SORBS2: variants seen among roughly 807,000 people sequenced by gnomAD.
SORBS2 encodes the protein sorbin and SH3 domain containing 2, also known as sorbin and SH3 domain-containing protein 2.
A neutral mutation model predicts 97.7 loss-of-function variants in SORBS2; 46 were observed. The ratio of observed to expected loss-of-function variants is 0.47; its 90% confidence interval spans 0.37 to 0.60. SORBS2 has a LOEUF of 0.60. Ranked by LOEUF, SORBS2 falls within the 20% of genes least tolerant of loss-of-function variation. The pLI, the probability that SORBS2 is intolerant of heterozygous loss-of-function variation, is 0.00. For synonymous variants in SORBS2, 476 were observed against 473.4 expected, an observed-to-expected ratio of 1.01 and a Z score of -0.07; for missense variants, 1,316 against 1,282.3, an observed-to-expected ratio of 1.03 and a Z score of -0.40.
chr4:185,925,748 C>T (rs183351704), intron 1 of SORBS2, among the ~76,000 whole-genome samples: 2 of 152,078 alleles, frequency 1.3e-5, no homozygotes, highest in Non-Finnish European at 2.9e-5. Context: ...TACCTCCTCT[C>T]AGAGTTACGA....
chr4:185,889,729 C>T (rs1293284139), intron 1 of SORBS2, among the ~76,000 whole-genome samples: 1 of 152,008 alleles, frequency 6.6e-6, no homozygotes, highest in Non-Finnish European at 1.5e-5. Flanking sequence ...ACGCCCTGAA[C>T]ATCTATATAA....
chr4:185,694,742 T>G (rs1265553895), intron 2 of SORBS2, among the ~76,000 whole-genome samples: 2 of 143,742 alleles, frequency 1.4e-5, no homozygotes, highest in African/African-American at 5.2e-5. Context: ...AGTCTCACTC[T>G]GCCGCCCAGG....
intron 4 of SORBS2, 103 bp from the exon 14 acceptor site, chr4:185,639,138 G>A (rs1561587076): frequency 1.8e-6 from 2 of 1,084,090 alleles, no homozygotes; most frequent in East Asian, 6.2e-5. Flanking sequence ...AGGCCGGGAG[G>A]GGAGAGGCCT....
intron 12 of SORBS2, among the ~76,000 whole-genome samples, chr4:185,605,740 A>C (rs527841924): frequency 1.2e-4 from 18 of 152,034 alleles, no homozygotes; most frequent in African/African-American, 4.1e-4. Context: ...ACCCACCACC[A>C]CGCCTGGCTA....
chr4:185,649,438 A>T, intron 3 of SORBS2, 29 bp downstream of exon 12: 1 of 1,524,658 alleles, frequency 6.6e-7, no homozygotes, highest in Non-Finnish European at 8.8e-7. Flanking sequence ...TAAGCGAAAC[A>T]TAGGCCACCC....
At chr4:185,950,978 T>A (rs1338099249) in intron 1 of SORBS2, among the ~76,000 whole-genome samples, 1 of 152,178 alleles carries the variant, frequency 6.6e-6, no homozygotes, top group Non-Finnish European at 1.5e-5. Flanking sequence ...CGATAGAGTT[T>A]AAAGCAAGGA....
At chr4:185,749,140 C>A (rs538431534) in intron 2 of SORBS2, among the ~76,000 whole-genome samples, 204 of 152,316 alleles carry the variant, frequency 1.3e-3, no homozygotes, top group Non-Finnish European at 2.4e-3. Flanking sequence ...CAGCTAACCA[C>A]TGGAGTGGTG....
intron 2 of SORBS2, among the ~76,000 whole-genome samples, chr4:185,693,073 T>A (rs773954890): frequency 2.0e-5 from 3 of 152,162 alleles, no homozygotes; most frequent in Non-Finnish European, 4.4e-5. Flanking sequence ...GCAGGAGCCA[T>A]GCTTAGCGTG....
rs79382433 is a variant in SORBS2 at position 185,872,054 on chromosome 4, G to C, written c.-338+84142C>G. The stretch of plus-strand genomic sequence containing the variant: ...AAACTTTACGTGTGTAAATTTAGGA[G>C]GTAAAAGTGTTATATTAAAAAATAC... On this transcript the variant is annotated intron_variant, in intron 1 of 20. Transcript: ENST00000284776. 0.014 allele frequency among the ~76,000 whole-genome samples: 2,197 copies of C among 152,224 alleles called. 143 individuals are homozygous for C. In the East Asian group the frequency reaches 0.17, roughly 12 times the overall value.
intron 3 of SORBS2, among the ~76,000 whole-genome samples, chr4:185,648,119 AT>A (rs2097246259): frequency 6.6e-6 from 1 of 151,010 alleles, no homozygotes; most frequent in Non-Finnish European, 1.5e-5. Context: ...CTATTATAAA[AT>A]TTTTATTTGT....
intron 2 of SORBS2, among the ~76,000 whole-genome samples, chr4:185,749,370 G>C (rs773202124): frequency 2.6e-5 from 4 of 152,194 alleles, no homozygotes; most frequent in Non-Finnish European, 5.9e-5. Context: ...TAATTGTTTT[G>C]ATCTTCCTGC....
chr4:185,628,136 C>T (rs1182105569), intron 5 of SORBS2, among the ~76,000 whole-genome samples: 1 of 152,092 alleles, frequency 6.6e-6, no homozygotes, highest in East Asian at 1.9e-4. Context: ...AATAATGCTC[C>T]TAAGAAAACC....
At chr4:185,867,349 A>C (rs2149728021) in intron 1 of SORBS2, among the ~76,000 whole-genome samples, 1 of 152,322 alleles carries the variant, frequency 6.6e-6, no homozygotes, top group African/African-American at 2.4e-5. Context: ...ACTTCCTATT[A>C]GCAAAGGGCT....
chr4:185,673,816 G>A (rs1290117722), intron 4 of SORBS2, among the ~76,000 whole-genome samples: 2 of 152,148 alleles, frequency 1.3e-5, no homozygotes, highest in Admixed American at 1.3e-4. Context: ...GGAATCAATG[G>A]TAAGTTTTCA....
At chr4:185,813,442 G>A (rs1018493406) in intron 1 of SORBS2, among the ~76,000 whole-genome samples, 2 of 152,134 alleles carry the variant, frequency 1.3e-5, no homozygotes, top group East Asian at 1.9e-4. Flanking sequence ...AGTGGGTGGC[G>A]CTTTCCTGCT....
upstream of SORBS2, chr4:185,657,628 T>C (rs531763621): frequency 1.2e-3 from 1,874 of 1,574,670 alleles, 39 homozygotes; most frequent in South Asian, 0.021. Flanking sequence ...ATGGAACGTA[T>C]TCGTTGCACA....
intron 4 of SORBS2, among the ~76,000 whole-genome samples, 199 bp downstream of exon 15, chr4:185,637,880 A>G (rs1012217332): frequency 2.6e-5 from 4 of 152,190 alleles, no homozygotes; most frequent in African/African-American, 9.7e-5. Context: ...AATGACCTAC[A>G]AACCACATAG....
intron 2 of SORBS2, among the ~76,000 whole-genome samples, chr4:185,729,849 G>A (rs1186275709): frequency 6.6e-6 from 1 of 152,102 alleles, no homozygotes; most frequent in Non-Finnish European, 1.5e-5. Flanking sequence ...AAGAACTTTT[G>A]GCTCTAACAT....
chr4:185,892,153 C>T (rs2149805251), intron 1 of SORBS2, among the ~76,000 whole-genome samples: 1 of 152,242 alleles, frequency 6.6e-6, no homozygotes, highest in East Asian at 1.9e-4. Flanking sequence ...TTCTTCTCCT[C>T]CTGCTTATAC....
Sources: gnomAD v4.1 joint callset for allele counts (sites outside exome capture counted in the v4.1 genomes callset) on GRCh38, gnomAD v4.1.1 for gene constraint, MANE v1.5 for transcripts, NCBI Gene and HGNC (gene_info 2026-07-23, HGNC 2026-07-21) for gene names.